Variants in ITGB6 observed in about 807,000 individuals in gnomAD.
The protein encoded by ITGB6 is integrin beta-6.
A neutral mutation model predicts 84.5 loss-of-function variants in ITGB6; 80 were observed. The ratio of observed to expected loss-of-function variants is 0.95; its 90% CI spans 0.79 to 1.14. The LOEUF is 1.14. Among genes scored for constraint, ITGB6 ranks in the 50% most tolerant of loss-of-function variants. The probability of loss-of-function intolerance (pLI) is 0.00; values close to 1 mark genes in which losing one functional copy is unlikely to be tolerated. For synonymous variants in ITGB6, 383 were observed against 354.9 expected (o/e 1.08, Z -0.89); for missense variants, 1,006 against 968.0 (o/e 1.04, Z -0.52).
chr2:160,171,325 A>ATCTATTTTTTT (rs1414747829), intron 6 of ITGB6, among the ~76,000 whole-genome samples: 1 of 126,004 alleles, frequency 7.9e-6, no homozygotes. Flanking sequence ...CAGAAATCAA[A>ATCTATTTTTTT]TTTATTTTTT....
rs112023776 is a variant in ITGB6 at position 160,139,821 on chromosome 2, G to C, written c.1108-1622C>G. On this transcript the variant is annotated intron_variant, in intron 8 of 14. Transcript: ENST00000283249. ...TCCTGGAATTTAAACACAAACAGAG[G>C]AACTTATCCTTGGGATTGCTGATAT... Among the ~76,000 whole-genome samples the C allele has an allele frequency of 7.8e-3, 1,190 of 152,248 alleles. 20 individuals are homozygous for C. Among genetic ancestry groups the C allele is most frequent in the African/African-American group, 0.028 (1,151 of 41,560 alleles).
At chr2:160,172,419 G>A in intron 6 of ITGB6, 150 bp downstream of exon 6, 2 of 686,960 alleles carry the variant, frequency 2.9e-6, no homozygotes, top group Non-Finnish European at 4.7e-6. Flanking sequence ...TGAGGATGGT[G>A]AGAATCGAGC....
rs553278552 is a variant in ITGB6, at chr2:160,142,754, C to T, written c.1018-683G>A. ...GGCATCATTCCCACCTGAGAACTAG[C>T]AATATGAGTTCATCATCACTCCAGG... On this transcript the variant is annotated intron_variant, in intron 7 of 14. Coordinates refer to ENST00000283249, the MANE Select transcript of ITGB6 (RefSeq NM_000888.5). 1.6e-4 allele frequency among the ~76,000 whole-genome samples: 24 copies of T among 152,290 alleles called. No individual in the cohort carries two copies. In the South Asian group the frequency reaches 4.6e-3, roughly 29 times the overall value.
chr2:160,109,789 C>T (rs1697054437), intron 13 of ITGB6, among the ~76,000 whole-genome samples: 1 of 152,182 alleles, frequency 6.6e-6, no homozygotes, highest in Non-Finnish European at 1.5e-5. Context: ...TCTAACTGTG[C>T]TACATGCGTT....
chr2:160,138,846 C>G (rs1683876664), intron 8 of ITGB6, among the ~76,000 whole-genome samples: 1 of 152,102 alleles, frequency 6.6e-6, no homozygotes, highest in Admixed American at 6.5e-5. Context: ...TTTAAAACAG[C>G]AATTAAACTT....
Position 160,196,349 on chromosome 2 carries a change from T to C in ITGB6, c.213A>G (p.Gln71=). 1 of 1,614,102 alleles carries C rather than the reference T, an allele frequency of 6.2e-7. No homozygotes were observed. The highest frequency in any genetic ancestry group is 8.5e-7 in the Non-Finnish European group (1 of 1,179,992). ...AGACAGGGTTTTCGATGAAGTTTAA[T>C]TGACATCCTTTAGCTAAAAGGTTTG... ...TPANLLAKGC[Q]LNFIENPVSQ... Residue 71 remains glutamine (Q), a synonymous_variant, in exon 3 of 15, where the codon CAA becomes CAG. Transcript: ENST00000283249.
chr2:160,179,537 C>T (rs1004912038), intron 4 of ITGB6, among the ~76,000 whole-genome samples: 2 of 150,572 alleles, frequency 1.3e-5, no homozygotes, highest in South Asian at 2.1e-4. Context: ...TGCACCACCA[C>T]GTCCAGCTAA....
chr2:160,174,170 A>T, intron 4 of ITGB6, 31 bp from the exon 5 acceptor site: 1 of 1,471,200 alleles, frequency 6.8e-7, no homozygotes, highest in Non-Finnish European at 9.4e-7. Flanking sequence ...AATACTGTTG[A>T]TGAAATATGA....
intron 2 of ITGB6, 69 bp from the exon 3 acceptor site, chr2:160,196,489 G>T: frequency 7.5e-7 from 1 of 1,336,860 alleles, no homozygotes; most frequent in African/African-American, 1.5e-5. Flanking sequence ...TAAGATACCA[G>T]CAATTGAAAG....
intron 7 of ITGB6, among the ~76,000 whole-genome samples, chr2:160,167,562 A>G (rs1033169669): frequency 1.8e-4 from 28 of 152,338 alleles, no homozygotes; most frequent in African/African-American, 6.7e-4. Context: ...ATTAGAAGAC[A>G]GGCAAAATCG....
intron 10 of ITGB6, 21 bp from the exon 11 acceptor site, chr2:160,126,622 T>C (rs1397059493): frequency 3.7e-6 from 6 of 1,602,468 alleles, no homozygotes; most frequent in East Asian, 2.2e-5. Flanking sequence ...AAATGCTCTA[T>C]GCTTCTCACA....
At chr2:160,199,040 T>C in intron 2 of ITGB6, 139 bp downstream of exon 2, 1 of 622,224 alleles carries the variant, frequency 1.6e-6, no homozygotes, top group South Asian at 2.4e-5. Flanking sequence ...CTACCAATGC[T>C]CACCTTCTCC....
chr2:160,149,875 A>G (rs1684343553), intron 7 of ITGB6, among the ~76,000 whole-genome samples: 2 of 152,216 alleles, frequency 1.3e-5, no homozygotes, highest in African/African-American at 4.8e-5. Context: ...AGATCAAATT[A>G]ATAAAATAAA....
In ITGB6 at chr2:160,141,951, CA is replaced by C. The variant is rs754376186; in HGVS notation, c.1107+30del. On this transcript the variant is annotated intron_variant, in intron 8 of 14. Transcript: ENST00000283249. ...TTAGTTTTTGAATACCAAAGAAATGCAAAAAAGAAGCCAGCTGTAAAATATC... is the reference window on the plus strand; with the variant it reads ...TTAGTTTTTGAATACCAAAGAAATGCAAAAAGAAGCCAGCTGTAAAATATC... 4 of 1,400,460 alleles carry C rather than the reference CA, an allele frequency of 2.9e-6. No homozygotes were observed. The South Asian group carries it at 3.6e-5, about 13-fold the overall frequency. 86.8% of individuals were successfully genotyped at this position (1,400,460 alleles called of 1,614,324 possible).
intron 4 of ITGB6, 24 bp downstream of exon 4, chr2:160,195,345 A>T (rs1204981291): frequency 1.2e-6 from 2 of 1,613,348 alleles, no homozygotes; most frequent in East Asian, 4.5e-5. Flanking sequence ...GCGCACAAAG[A>T]TGCCAAGAGA....
intron 4 of ITGB6, among the ~76,000 whole-genome samples, chr2:160,180,108 C>A: frequency 7.1e-6 from 1 of 141,234 alleles, no homozygotes. Context: ...AGTGAAACTC[C>A]ACCTCAAAAA....
At position 160,137,480 on chromosome 2, in the gene ITGB6, C is replaced by G. The variant is rs1383537674; in HGVS notation, c.1614G>C (p.Gln538His). Residue 538 changes from glutamine to histidine, a missense_variant, in exon 10 of 15, where the codon CAG becomes CAC. Physicochemically the swap from Gln to His is conservative, Grantham distance 24. Transcript: ENST00000283249. Reference sequence around the variant, plus strand: ...GTCTCACGCAGGAGAAATTGTCACACTGGCAATAAGGCCCATAAATGTTTC... The same window carrying G: ...GTCTCACGCAGGAGAAATTGTCACAGTGGCAATAAGGCCCATAAATGTTTC... ...PYGNIYGPYC[Q>H]CDNFSCVRHK... The G allele has an allele frequency of 6.2e-7, 1 of 1,613,510 alleles. No individual in the cohort carries two copies. Among genetic ancestry groups the G allele is most frequent in the Non-Finnish European group, 8.5e-7 (1 of 1,179,476 alleles).
chr2:160,196,508 C>T lies in ITGB6; in HGVS notation c.142-88G>A, dbSNP rs1181626671. The T allele has an allele frequency of 3.6e-6, 4 of 1,126,516 alleles. No individual in the cohort carries two copies. The East Asian group carries it at 9.5e-5, about 27-fold the overall frequency. 69.8% of individuals were successfully genotyped at this position (1,126,516 alleles called of 1,614,324 possible). A position where few individuals can be genotyped will look rare whatever the true frequency, so the allele number is the denominator to read the frequency against. On this transcript the variant is annotated intron_variant, in intron 2 of 14. Coordinates refer to ENST00000283249, the MANE Select transcript of ITGB6 (RefSeq NM_000888.5). ...ATACCAGCAATTGAAAGTTTTTCTG[C>T]ACAATTTGCTAGTTAAGCATCTTGC...
intron 2 of ITGB6, among the ~76,000 whole-genome samples, chr2:160,196,688 T>C (rs991176483): frequency 1.3e-5 from 2 of 152,060 alleles, no homozygotes; most frequent in Non-Finnish European, 2.9e-5. Flanking sequence ...CATGTGTGTG[T>C]GTGTGTCTGT....
Sources: allele counts gnomAD v4.1 joint callset (sites outside exome capture counted in the v4.1 genomes callset), GRCh38; gene constraint gnomAD v4.1.1; transcripts MANE v1.5; gene names NCBI Gene and HGNC (gene_info 2026-07-23, HGNC 2026-07-21).